Variants in SEC14L4 observed in about 807,000 individuals in gnomAD.
SEC14L4 encodes SEC14-like protein 4.
SEC14L4 carries 42 observed loss-of-function variants against 55.1 expected under a neutral mutation model. That is an observed-to-expected ratio of 0.76 (90% CI 0.60 to 0.99). The LOEUF (loss-of-function observed/expected upper bound fraction) is 0.99. Ranked by LOEUF, SEC14L4 falls within the 50% of genes least tolerant of loss-of-function variation. The pLI, the probability that SEC14L4 is intolerant of heterozygous loss-of-function variation, is 0.00. For missense variants in SEC14L4, 445 were observed against 512.1 expected, an observed-to-expected ratio of 0.87 and a Z score of 1.27; for synonymous variants, 206 against 206.8, an observed-to-expected ratio of 1.00 and a Z score of 0.03.
chr22:30,505,578 G>C lies in SEC14L4; in HGVS notation c.34C>G (p.Gln12Glu). The change falls in exon 1 of 12, where the codon CAG becomes GAG. Residue 12 changes from glutamine to glutamate, a missense_variant. Coordinates refer to ENST00000255858, the MANE Select transcript of SEC14L4 (RefSeq NM_174977.4). Reference protein sequence around the residue: ...SSRVGDLSPQQQEALARFREN... With the variant: ...SSRVGDLSPQEQEALARFREN... The stretch of plus-strand genomic sequence containing the variant: ...CTCACCCTGGCCAGCGCTTCCTGCT[G>C]CTGGGGGCTCAGGTCCCCGACTCGG... 2 of 1,570,734 alleles carry C rather than the reference G, an allele frequency of 1.3e-6. No homozygotes were observed. Among genetic ancestry groups the C allele is most frequent in the Non-Finnish European group, 1.7e-6 (2 of 1,160,964 alleles).
chr22:30,489,934 T>G lies in SEC14L4; in HGVS notation c.*173A>C. ...ATCTTCAGCATGGGCTATGCACTGG[T>G]GGCCCCTTCCTGCTTGGCCACTGTG... is the stretch of plus-strand genomic sequence containing the variant. On this transcript the variant is annotated 3_prime_UTR_variant, in exon 12 of 12. Transcript: ENST00000255858. The G allele has an allele frequency of 1.9e-6, 3 of 1,551,934 alleles. No individual in the cohort carries two copies. The South Asian group carries it at 3.6e-5, about 18-fold the overall frequency.
rs766927038 is a variant in SEC14L4 at position 30,489,904 on chromosome 22, T to C, written c.*203A>G. ...CTGGGAACAGGGAAAGAGGTTCCTGTCTGAATCTTCAGCATGGGCTATGCA... is the reference window on the plus strand; with the variant it reads ...CTGGGAACAGGGAAAGAGGTTCCTGCCTGAATCTTCAGCATGGGCTATGCA... On this transcript the variant is annotated 3_prime_UTR_variant, in exon 12 of 12. Transcript: ENST00000255858. 6.4e-7 allele frequency: 1 copy of C among 1,551,802 alleles called. No individual in the cohort carries two copies. Among genetic ancestry groups the C allele is most frequent in the South Asian group, 1.2e-5 (1 of 84,070 alleles).
At chr22:30,495,906 A>G (rs1334034155) in intron 3 of SEC14L4, 22 bp downstream of exon 3, 1 of 1,611,714 alleles carries the variant, frequency 6.2e-7, no homozygotes, top group Admixed American at 1.7e-5. Flanking sequence ...AAGGCAGGGC[A>G]GTAGGGATCA....
rs770873637 is a variant in SEC14L4 at position 30,495,957 on chromosome 22, G to A, written c.145C>T (p.Leu49=). 6.2e-7 allele frequency: 1 copy of A among 1,614,014 alleles called. No homozygotes were observed. Among genetic ancestry groups the A allele is most frequent in the African/African-American group, 1.3e-5 (1 of 75,026 alleles). ...LRWLRARNFD[L]QKSEDMLRRH... The stretch of plus-strand genomic sequence containing the variant: ...CGGAGCATGTCTTCGGATTTCTGCA[G>A]GTCAAAGTTTCGAGCTGCAAGAAGA... Residue 49 remains leucine (L), a synonymous_variant, in exon 3 of 12, where the codon CTG becomes TTG. Coordinates refer to ENST00000255858, the MANE Select transcript of SEC14L4 (RefSeq NM_174977.4).
At chr22:30,493,726 G>A (rs1034748551) in intron 7 of SEC14L4, among the ~76,000 whole-genome samples, 9 of 152,252 alleles carry the variant, frequency 5.9e-5, no homozygotes, top group East Asian at 1.9e-4. Context: ...GCCAGAGGCC[G>A]GGTGCGGTGG....
At chr22:30,501,864 T>TATATATAC (rs1936337460) in intron 2 of SEC14L4, among the ~76,000 whole-genome samples, 4 of 143,042 alleles carry the variant, frequency 2.8e-5, no homozygotes, top group African/African-American at 1.0e-4. Flanking sequence ...TATATATATA[T>TATATATAC]ATATATATAT....
chr22:30,505,594 C>G lies in SEC14L4; in HGVS notation c.18G>C (p.Gly6=), dbSNP rs1380050708. Residue 6 remains glycine, a synonymous_variant, in exon 1 of 12, where the codon GGG becomes GGC. Transcript: ENST00000255858. ...CTTCCTGCTGCTGGGGGCTCAGGTC[C>G]CCGACTCGGCTGCTCATGGTGCCCG... The part of the protein sequence containing the change: MSSRV[G]DLSPQQQEAL... The G allele has an allele frequency of 3.2e-6, 5 of 1,567,300 alleles. No individual in the cohort carries two copies. The African/African-American group carries it at 6.8e-5, about 21-fold the overall frequency.
At position 30,494,198 on chromosome 22, in the gene SEC14L4, G is replaced by A. The variant is rs756456574; in HGVS notation, c.532C>T (p.Leu178=). ...AGGGTCTCAGGATAATTTGCTTCCA[G>A]GATGCTAAAAAACTGTGGAGTCAAG... ...VEVYQQFFSI[L]EANYPETLKN... is the part of the protein sequence containing the mutation. The change falls in exon 7 of 12, where the codon CTG becomes TTG. Residue 178 remains leucine (L), a synonymous_variant. Coordinates refer to ENST00000255858, the MANE Select transcript of SEC14L4 (RefSeq NM_174977.4). The A allele has an allele frequency of 6.2e-7, 1 of 1,613,656 alleles. No individual in the cohort carries two copies. The highest frequency in any genetic ancestry group is 8.5e-7 in the Non-Finnish European group (1 of 1,179,616).
At chr22:30,500,754 A>ATTTTTTTTTTTTTT (rs531954470) in intron 2 of SEC14L4, among the ~76,000 whole-genome samples, 4 of 79,506 alleles carry the variant, frequency 5.0e-5, no homozygotes, top group African/African-American at 1.5e-4. Flanking sequence ...TGAGAACAGA[A>ATTTTTTTTTTTTTT]TTTTTTTTTT....
At chr22:30,492,209 G>A in intron 8 of SEC14L4, 54 bp from the exon 9 acceptor site, 1 of 1,566,220 alleles carries the variant, frequency 6.4e-7, no homozygotes, top group South Asian at 1.2e-5. Context: ...TCAACAGAGG[G>A]CAGAGGGGGC....
At chr22:30,501,846 CAT>C (rs3067218) in intron 2 of SEC14L4, among the ~76,000 whole-genome samples, 53,794 of 111,792 alleles carry the variant, frequency 0.48, 12,118 homozygotes, top group East Asian at 0.56. Context: ...CACACACGCA[CAT>C]ATATATATAT....
chr22:30,493,275 C>T (rs542116158), intron 7 of SEC14L4, among the ~76,000 whole-genome samples: 1 of 152,114 alleles, frequency 6.6e-6, no homozygotes, highest in Non-Finnish European at 1.5e-5. Flanking sequence ...ACTTCCTGTC[C>T]TGCCCTGAAT....
At chr22:30,504,806 T>C (rs991241157) in intron 1 of SEC14L4, among the ~76,000 whole-genome samples, 1 of 152,222 alleles carries the variant, frequency 6.6e-6, no homozygotes, top group East Asian at 1.9e-4. Context: ...GGTGAATCTG[T>C]GAATCCAAAT....
chr22:30,494,857 C>A lies in SEC14L4; in HGVS notation c.519+9G>T. The A allele has an allele frequency of 1.2e-6, 2 of 1,605,746 alleles. No individual in the cohort carries two copies. Among genetic ancestry groups the A allele is most frequent in the Non-Finnish European group, 1.7e-6 (2 of 1,172,916 alleles). ...CCCACACCAGCCCCAAGCCAGCCAC[C>A]CACCTTACCTGCTGGTAGACCTCCA... On this transcript the variant is annotated intron_variant, in intron 6 of 11. Transcript: ENST00000255858.
chr22:30,497,536 AAAAG>A (rs1389560132), intron 2 of SEC14L4, among the ~76,000 whole-genome samples: 1 of 151,958 alleles, frequency 6.6e-6, no homozygotes, highest in East Asian at 1.9e-4. Context: ...AAAAAAAAAA[AAAAG>A]AAAGAACCCC....
intron 2 of SEC14L4, among the ~76,000 whole-genome samples, chr22:30,500,599 C>A (rs1186415029): frequency 6.6e-6 from 1 of 151,704 alleles, no homozygotes; most frequent in Non-Finnish European, 1.5e-5. Flanking sequence ...ACTCCTGGGT[C>A]AAGCAATCCT....
rs567859643 is a variant in SEC14L4, at chr22:30,497,998, G to A, written c.131-2027C>T. Among the ~76,000 whole-genome samples, 20 of 152,182 alleles carry A rather than the reference G, an allele frequency of 1.3e-4. No individual in the cohort carries two copies. The East Asian group carries it at 3.9e-3, about 29-fold the overall frequency. On this transcript the variant is annotated intron_variant, in intron 2 of 11. Coordinates refer to ENST00000255858, the MANE Select transcript of SEC14L4 (RefSeq NM_174977.4). ...TGGCTACAGGTGATCAAACTGAACAGGGCAGTTCTATATACTTCAGAGATT... is the reference window on the plus strand; with the variant it reads ...TGGCTACAGGTGATCAAACTGAACAAGGCAGTTCTATATACTTCAGAGATT...
chr22:30,496,123 G>C, intron 2 of SEC14L4, 152 bp from the exon 3 acceptor site: 1 of 654,040 alleles, frequency 1.5e-6, no homozygotes, highest in Non-Finnish European at 2.6e-6. Flanking sequence ...TTGTTTGTTT[G>C]TGTGTTTATT....
chr22:30,495,136 C>T, intron 5 of SEC14L4, 118 bp downstream of exon 5: 1 of 1,121,970 alleles, frequency 8.9e-7, no homozygotes, highest in Non-Finnish European at 1.3e-6. Context: ...GTGGGAGAAG[C>T]CCACATTCCA....
Sources: gnomAD v4.1 joint callset for allele counts (sites outside exome capture counted in the v4.1 genomes callset) on GRCh38, gnomAD v4.1.1 for gene constraint, MANE v1.5 for transcripts, NCBI Gene and HGNC (gene_info 2026-07-23, HGNC 2026-07-21) for gene names.